Variants in APOOL observed in about 807,000 individuals in gnomAD.
The protein encoded by APOOL is apolipoprotein O like, also known as MICOS complex subunit MIC27.
APOOL carries 12 observed loss-of-function variants against 23.1 expected under a neutral mutation model. The ratio of observed to expected loss-of-function variants is 0.52; its 90% CI spans 0.33 to 0.84. The LOEUF is 0.84. Ranked by LOEUF, APOOL falls within the 40% of genes least tolerant of loss-of-function variation. The pLI is 0.02. For synonymous variants in APOOL, 77 were observed against 69.9 expected, an observed-to-expected ratio of 1.10 and a Z score of -0.51; for missense variants, 212 against 199.6, an observed-to-expected ratio of 1.06 and a Z score of -0.37.
chrX:85,028,987 CAACA>C (rs1325878603), intron 1 of APOOL, among the ~76,000 whole-genome samples: 1 of 111,583 alleles, frequency 9.0e-6, no homozygotes, highest in African/African-American at 3.3e-5. Context: ...AACATTGCTG[CAACA>C]AACAGAGTGC....
intron 1 of APOOL, among the ~76,000 whole-genome samples, chrX:85,046,018 G>A (rs1298936629): frequency 1.8e-5 from 2 of 110,841 alleles, no homozygotes; most frequent in Non-Finnish European, 1.9e-5. Flanking sequence ...ATTTGTATGA[G>A]AACAGGAATC....
chrX:85,030,175 A>G (rs149278229), intron 1 of APOOL, among the ~76,000 whole-genome samples: 1,535 of 112,437 alleles, frequency 0.014, 28 homozygotes, highest in African/African-American at 0.047. Context: ...CTACTCAGCC[A>G]TTAAAAGAAA....
At chrX:85,051,975 A>AAGAAAGTC (rs1438514980) in intron 3 of APOOL, among the ~76,000 whole-genome samples, 1 of 112,043 alleles carries the variant, frequency 8.9e-6, no homozygotes, top group Non-Finnish European at 1.9e-5. Context: ...TCAGATATCC[A>AAGAAAGTC]AGAAAGTCAC....
chrX:85,088,330 T>TTTTG lies in APOOL; in HGVS notation c.*655_*656insGTTT, dbSNP rs1203722062. On this transcript the variant is annotated 3_prime_UTR_variant, in exon 9 of 9. Coordinates refer to ENST00000373173, the MANE Select transcript of APOOL (RefSeq NM_198450.6). The stretch of plus-strand genomic sequence containing the variant: ...TGTTTCCCTCTGTTTTTTTTTTTTT[T>TTTTG]TTTTTTTTTTTTTTTCCCATTTCCT... 1.6e-4 allele frequency: 13 copies of TTTTG among 80,950 alleles called. No individual in the cohort carries two copies. The highest frequency in any genetic ancestry group is 3.0e-4 in the Non-Finnish European group (13 of 42,786). 6.7% of individuals were successfully genotyped at this position (80,950 alleles called of 1,213,427 possible).
At chrX:85,023,608 G>A (rs776128389) in intron 1 of APOOL, among the ~76,000 whole-genome samples, 2 of 111,762 alleles carry the variant, frequency 1.8e-5, no homozygotes, top group South Asian at 3.7e-4. Flanking sequence ...AACAATATTG[G>A]CAAAAAGAAG....
intron 1 of APOOL, among the ~76,000 whole-genome samples, chrX:85,018,975 G>A (rs1307590784): frequency 9.0e-6 from 1 of 111,262 alleles, no homozygotes; most frequent in Non-Finnish European, 1.9e-5. Flanking sequence ...ACGTTTATAT[G>A]TGTGCAGTCT....
intron 1 of APOOL, among the ~76,000 whole-genome samples, chrX:85,043,881 C>A (rs1256989627): frequency 8.9e-6 from 1 of 111,899 alleles, no homozygotes; most frequent in Non-Finnish European, 1.9e-5. Flanking sequence ...GAATGGGAAA[C>A]TAAACTTAAT....
rs199814319 is a variant in APOOL, at chrX:85,074,143, T to C, written c.600+32T>C. The C allele has an allele frequency of 5.1e-5, 58 of 1,146,784 alleles. No individual in the cohort carries two copies. The East Asian group carries it at 1.2e-3, about 23-fold the overall frequency. The allele number at this position is 1,146,784 out of a possible 1,213,427, so 94.5% of individuals were successfully genotyped here. A position where few individuals can be genotyped will look rare whatever the true frequency, so the allele number is the denominator to read the frequency against. On this transcript the variant is annotated intron_variant, in intron 7 of 8. Transcript: ENST00000373173. ...TTTACATGGAGCAAGACGGTCAACA[T>C]TGAGTTTTGTTTGGGTGGGTGTTGG...
At chrX:85,036,069 G>A (rs1421267262) in intron 1 of APOOL, among the ~76,000 whole-genome samples, 2 of 112,407 alleles carry the variant, frequency 1.8e-5, no homozygotes, top group East Asian at 5.6e-4. Flanking sequence ...GCTTTGGGCA[G>A]TGTGACCATT....
intron 1 of APOOL, among the ~76,000 whole-genome samples, chrX:85,032,086 G>A (rs1373091651): frequency 9.0e-6 from 1 of 111,672 alleles, no homozygotes; most frequent in East Asian, 2.8e-4. Flanking sequence ...TACTGAGTTT[G>A]GCAATATTCG....
chrX:85,070,743 C>T (rs1373289231), intron 6 of APOOL, among the ~76,000 whole-genome samples: 1 of 109,451 alleles, frequency 9.1e-6, no homozygotes, highest in African/African-American at 3.3e-5. Context: ...TACCCTTTGA[C>T]CAACATCTCA....
chrX:85,041,827 G>GC (rs1213723481), intron 1 of APOOL, among the ~76,000 whole-genome samples: 3 of 110,620 alleles, frequency 2.7e-5, no homozygotes, highest in Non-Finnish European at 3.8e-5. Context: ...GTGGTGAGGA[G>GC]CCCCCCCTTG....
intron 2 of APOOL, among the ~76,000 whole-genome samples, chrX:85,048,408 T>C (rs180792964): frequency 8.9e-6 from 1 of 111,895 alleles, no homozygotes; most frequent in Non-Finnish European, 1.9e-5. Flanking sequence ...TGAATTTAAT[T>C]TTTGAAATTT....
chrX:85,089,581 A>AT lies in APOOL; in HGVS notation c.*1904dup, dbSNP rs1315175286. 2.7e-5 allele frequency: 3 copies of AT among 111,384 alleles called. No homozygotes were observed. Among genetic ancestry groups the AT allele is most frequent in the Non-Finnish European group, 5.6e-5 (3 of 53,131 alleles). The allele number at this position is 111,384 out of a possible 1,213,427, so 9.2% of individuals were successfully genotyped here. A position where few individuals can be genotyped will look rare whatever the true frequency, so the allele number is the denominator to read the frequency against. On this transcript the variant is annotated 3_prime_UTR_variant, in exon 9 of 9. Transcript: ENST00000373173. ...CCCTAGTCCTATTTTCTCATTCTAT[A>AT]TGCACACTCATTTTTCATTTAACAG... is the stretch of plus-strand genomic sequence containing the variant.
At position 85,074,402 on chromosome X, in the gene APOOL, T is replaced by C. The variant is rs948283516; in HGVS notation, c.718+11T>C. Reference sequence around the variant, plus strand: ...CAGAATCCACTTCAGGTTTGTTGGGTATAAGTCAATTTTGTTTTCATTCTT... The same window carrying C: ...CAGAATCCACTTCAGGTTTGTTGGGCATAAGTCAATTTTGTTTTCATTCTT... On this transcript the variant is annotated intron_variant, in intron 8 of 8. Coordinates refer to ENST00000373173, the MANE Select transcript of APOOL (RefSeq NM_198450.6). The C allele has an allele frequency of 8.3e-7, 1 of 1,205,727 alleles. No homozygotes were observed. The highest frequency in any genetic ancestry group is 1.8e-5 in the African/African-American group (1 of 57,044).
chrX:85,028,634 ATT>A (rs1338559187), intron 1 of APOOL, among the ~76,000 whole-genome samples: 2 of 101,041 alleles, frequency 2.0e-5, no homozygotes, highest in Non-Finnish European at 2.0e-5. Context: ...GGTCTGATTG[ATT>A]TTTTTTTTTT....
At chrX:85,086,915 G>A (rs752490471) in intron 8 of APOOL, among the ~76,000 whole-genome samples, 24 of 108,069 alleles carry the variant, frequency 2.2e-4, no homozygotes, top group African/African-American at 7.8e-4. Flanking sequence ...TAGCCAAGAT[G>A]GTCTTGATCT....
chrX:85,068,976 A>G (rs1341308561), intron 6 of APOOL, among the ~76,000 whole-genome samples: 3 of 111,645 alleles, frequency 2.7e-5, no homozygotes. Context: ...TTTTTAAAAT[A>G]AAGTATTAAA....
intron 1 of APOOL, among the ~76,000 whole-genome samples, chrX:85,033,406 A>G (rs189781515): frequency 1.8e-5 from 2 of 112,100 alleles, no homozygotes; most frequent in Non-Finnish European, 3.8e-5. Context: ...TTTAGTTTTC[A>G]AGAAAACACC....
Sources: gnomAD v4.1 joint callset for allele counts (sites outside exome capture counted in the v4.1 genomes callset) on GRCh38, gnomAD v4.1.1 for gene constraint, MANE v1.5 for transcripts, NCBI Gene and HGNC (gene_info 2026-07-23, HGNC 2026-07-21) for gene names.